The following RALGPS2 variants were observed in gnomAD, a reference collection of about 807,000 sequenced individuals.
The protein encoded by RALGPS2 is Ral GEF with PH domain and SH3 binding motif 2, also known as ras-specific guanine nucleotide-releasing factor RalGPS2.
RALGPS2 carries 43 observed loss-of-function variants against 86.8 expected under a neutral mutation model. That is an observed-to-expected ratio of 0.50 (90% CI 0.39 to 0.64). The LOEUF (loss-of-function observed/expected upper bound fraction) is 0.64, where lower values mean the gene tolerates loss of function less well. Among genes scored for constraint, RALGPS2 ranks in the 30% least tolerant of loss-of-function variants. The pLI, the probability that RALGPS2 is intolerant of heterozygous loss-of-function variation, is 0.00. For missense variants in RALGPS2, 536 were observed against 694.6 expected (o/e 0.77, Z 2.57); for synonymous variants, 243 against 231.3 (o/e 1.05, Z -0.46).
chr1:178,850,520 T>TA (rs915187908), intron 8 of RALGPS2: 1 of 152,094 alleles, frequency 6.6e-6, no homozygotes, highest in Non-Finnish European at 1.5e-5. Context: ...TTTTTATTTT[T>TA]AAAAATGATA....
At chr1:178,847,292 A>G (rs1656914301) in intron 8 of RALGPS2, among the ~76,000 whole-genome samples, 1 of 152,164 alleles carries the variant, frequency 6.6e-6, no homozygotes, top group African/African-American at 2.4e-5. Flanking sequence ...CTGAAAATAC[A>G]AAAATTAGCT....
At chr1:178,907,056 CAAGT>C (rs1263757434) in intron 19 of RALGPS2, among the ~76,000 whole-genome samples, 189 bp downstream of exon 19, 2 of 152,134 alleles carry the variant, frequency 1.3e-5, no homozygotes, top group Non-Finnish European at 2.9e-5. Context: ...ATCATGCAAA[CAAGT>C]AACAAAATTT....
chr1:178,770,279 C>T lies in RALGPS2; in HGVS notation c.-83-6403C>T, dbSNP rs182761757. On this transcript the variant is annotated intron_variant, in intron 1 of 19. Transcript: ENST00000367635. Reference sequence around the variant, plus strand: ...AGTGAAGCAATCCACCCACCTCGGCCTCCCCAAGTGCTGGAATTACAGGCT... The same window carrying T: ...AGTGAAGCAATCCACCCACCTCGGCTTCCCCAAGTGCTGGAATTACAGGCT... 6.1e-3 allele frequency among the ~76,000 whole-genome samples: 923 copies of T among 151,822 alleles called. 9 individuals are homozygous for T. The highest frequency in any genetic ancestry group is 0.021 in the African/African-American group (882 of 41,398).
chr1:178,779,366 A>G (rs1396195191), intron 2 of RALGPS2, among the ~76,000 whole-genome samples: 37 of 152,166 alleles, frequency 2.4e-4, no homozygotes, highest in Non-Finnish European at 1.8e-4. Context: ...TTTTTCTCTT[A>G]GTATATTGGA....
intron 7 of RALGPS2, among the ~76,000 whole-genome samples, chr1:178,829,076 A>G (rs1655893917): frequency 6.6e-6 from 1 of 152,238 alleles, no homozygotes; most frequent in Admixed American, 6.5e-5. Flanking sequence ...ACACAATGGA[A>G]TACTATTCAG....
intron 8 of RALGPS2, chr1:178,851,076 A>T (rs1657141420): frequency 2.0e-6 from 3 of 1,484,934 alleles, no homozygotes; most frequent in African/African-American, 1.4e-5. Context: ...TTACATTTTT[A>T]AGAGCTGAAA....
intron 8 of RALGPS2, among the ~76,000 whole-genome samples, chr1:178,866,381 A>T (rs1247676125): frequency 1.3e-5 from 2 of 152,204 alleles, no homozygotes; most frequent in African/African-American, 4.8e-5. Flanking sequence ...ATCTAAACCC[A>T]GATAGTTTTA....
intron 7 of RALGPS2, among the ~76,000 whole-genome samples, chr1:178,825,515 C>G (rs1485207650): frequency 6.6e-6 from 1 of 152,046 alleles, no homozygotes; most frequent in Admixed American, 6.6e-5. Flanking sequence ...GGAGTATTCT[C>G]TCCATGAAAT....
intron 6 of RALGPS2, among the ~76,000 whole-genome samples, chr1:178,816,252 T>TC (rs2102213457): frequency 6.6e-6 from 1 of 151,160 alleles, no homozygotes; most frequent in East Asian, 1.9e-4. Context: ...GGTGTTTAAT[T>TC]TTTTTTTTTA....
At chr1:178,875,071 T>G (rs1658941680) in intron 8 of RALGPS2, among the ~76,000 whole-genome samples, 1 of 152,138 alleles carries the variant, frequency 6.6e-6, no homozygotes, top group South Asian at 2.1e-4. Context: ...TGAAGTAAAT[T>G]TACAAATAGT....
chr1:178,899,240 T>C (rs1044442792), intron 17 of RALGPS2, among the ~76,000 whole-genome samples: 1 of 151,904 alleles, frequency 6.6e-6, no homozygotes, highest in East Asian at 1.9e-4. Context: ...ATACTTTGGG[T>C]TTTTAATTAT....
At chr1:178,811,231 T>C in intron 5 of RALGPS2, 84 bp from the exon 6 acceptor site, 1 of 1,074,458 alleles carries the variant, frequency 9.3e-7, no homozygotes. Flanking sequence ...GCTTACCTAA[T>C]TCTGCCAAAA....
At chr1:178,883,252 C>T (rs1031095192) in intron 10 of RALGPS2, among the ~76,000 whole-genome samples, 2 of 151,958 alleles carry the variant, frequency 1.3e-5, no homozygotes, top group African/African-American at 4.8e-5. Flanking sequence ...TTTGGGAGGC[C>T]AAGATGGAAG....
intron 1 of RALGPS2, among the ~76,000 whole-genome samples, chr1:178,759,977 T>G (rs1221457346): frequency 6.6e-6 from 1 of 152,222 alleles, no homozygotes; most frequent in Non-Finnish European, 1.5e-5. Flanking sequence ...TCCTAATAGT[T>G]TTTTGGTGGA....
At chr1:178,812,623 G>T (rs1655035610) in intron 6 of RALGPS2, among the ~76,000 whole-genome samples, 1 of 152,046 alleles carries the variant, frequency 6.6e-6, no homozygotes, top group South Asian at 2.1e-4. Context: ...ATATATTTTT[G>T]GTTTCCTTTA....
chr1:178,827,766 A>T (rs565895861), intron 7 of RALGPS2, among the ~76,000 whole-genome samples: 1 of 152,324 alleles, frequency 6.6e-6, no homozygotes, highest in Admixed American at 6.5e-5. Context: ...TAAAATAGAC[A>T]TGTAGACCAA....
chr1:178,782,374 A>G (rs1653435767), intron 2 of RALGPS2, among the ~76,000 whole-genome samples: 1 of 152,208 alleles, frequency 6.6e-6, no homozygotes, highest in Non-Finnish European at 1.5e-5. Context: ...GGAAAGAAGC[A>G]GCCATTTTGA....
intron 1 of RALGPS2, among the ~76,000 whole-genome samples, chr1:178,757,379 A>AG (rs1652008457): frequency 6.6e-6 from 1 of 152,134 alleles, no homozygotes; most frequent in Non-Finnish European, 1.5e-5. Context: ...CCAGCTCTCA[A>AG]GGGGAATACT....
chr1:178,853,050 T>C, intron 8 of RALGPS2: 1 of 1,481,536 alleles, frequency 6.7e-7, no homozygotes, highest in Non-Finnish European at 8.9e-7. Context: ...ATAAAGATAC[T>C]GGCCATTTAA....
Sources: gnomAD v4.1 joint callset for allele counts (sites outside exome capture counted in the v4.1 genomes callset) on GRCh38, gnomAD v4.1.1 for gene constraint, MANE v1.5 for transcripts, NCBI Gene and HGNC (gene_info 2026-07-23, HGNC 2026-07-21) for gene names.